The following NPAS3 variants were observed in gnomAD, a reference collection of about 807,000 sequenced individuals.
The protein encoded by NPAS3 is neuronal PAS domain protein 3, also known as neuronal PAS domain-containing protein 3.
NPAS3 carries 14 observed loss-of-function variants against 73.1 expected under a neutral mutation model. The ratio of observed to expected loss-of-function variants is 0.19; its 90% CI spans 0.13 to 0.30. NPAS3 has a LOEUF of 0.30. NPAS3 is among the 10% of genes least tolerant of loss of function. The pLI, the probability that NPAS3 is intolerant of heterozygous loss-of-function variation, is 1.00. For synonymous variants in NPAS3, 620 were observed against 541.5 expected (o/e 1.14, Z -2.01); for missense variants, 1,096 against 1,250.0 (o/e 0.88, Z 1.86).
chr14:33,490,966 TGCAGCA>T (rs56325961), intron 4 of NPAS3, among the ~76,000 whole-genome samples: 25 of 152,204 alleles, frequency 1.6e-4, no homozygotes, highest in Non-Finnish European at 3.1e-4. Flanking sequence ...AATTTTTCAC[TGCAGCA>T]GCAGCAGCAG....
intron 2 of NPAS3, among the ~76,000 whole-genome samples, chr14:33,091,758 A>G (rs1595428263): frequency 1.3e-5 from 2 of 152,304 alleles, no homozygotes; most frequent in East Asian, 1.9e-4. Flanking sequence ...CAGCACATCA[A>G]AAAGCTTATC....
chr14:33,413,470 G>A (rs1305963353), intron 4 of NPAS3, among the ~76,000 whole-genome samples: 1 of 152,064 alleles, frequency 6.6e-6, no homozygotes, highest in Non-Finnish European at 1.5e-5. Context: ...TTTGGAGATA[G>A]ATATTGATTT....
intron 5 of NPAS3, among the ~76,000 whole-genome samples, chr14:33,584,751 C>T (rs550256681): frequency 1.3e-5 from 2 of 152,254 alleles, no homozygotes; most frequent in African/African-American, 4.8e-5. Context: ...TTTTTAGTAC[C>T]TCCCATGTCA....
chr14:32,990,940 CAAA>C (rs202034165), intron 1 of NPAS3, among the ~76,000 whole-genome samples: 1 of 147,534 alleles, frequency 6.8e-6, no homozygotes, highest in Admixed American at 6.7e-5. Context: ...AAAACAAAAA[CAAA>C]AAAAAACAAG....
At chr14:33,338,598 T>C (rs1184762644) in intron 3 of NPAS3, among the ~76,000 whole-genome samples, 2 of 152,314 alleles carry the variant, frequency 1.3e-5, no homozygotes, top group East Asian at 1.9e-4. Context: ...TTGGCACATC[T>C]CTTGACTGCT....
intron 1 of NPAS3, among the ~76,000 whole-genome samples, chr14:33,023,425 A>G (rs1367487248): frequency 6.6e-6 from 1 of 151,998 alleles, no homozygotes; most frequent in African/African-American, 2.4e-5. Flanking sequence ...TATGTATCTT[A>G]TTTCCTAATT....
chr14:33,031,005 G>A (rs572745218), intron 1 of NPAS3, among the ~76,000 whole-genome samples: 2 of 152,214 alleles, frequency 1.3e-5, no homozygotes, highest in South Asian at 4.1e-4. Flanking sequence ...TTCAATCTCC[G>A]TATGAGGCCA....
At chr14:33,703,312 C>A (rs966457802) in intron 6 of NPAS3, among the ~76,000 whole-genome samples, 4 of 151,986 alleles carry the variant, frequency 2.6e-5, no homozygotes, top group Admixed American at 2.0e-4. Context: ...CAGTGAGACC[C>A]CCCATTTCTA....
chr14:33,690,871 TAAAAA>T (rs11361786), intron 6 of NPAS3, among the ~76,000 whole-genome samples: 2 of 142,182 alleles, frequency 1.4e-5, no homozygotes, highest in Non-Finnish European at 3.1e-5. Flanking sequence ...TAAAATTTGT[TAAAAA>T]AAAAAAAAAA....
intron 5 of NPAS3, among the ~76,000 whole-genome samples, chr14:33,637,588 C>G (rs929958225): frequency 1.3e-5 from 2 of 152,088 alleles, no homozygotes; most frequent in Non-Finnish European, 2.9e-5. Context: ...TGTCAGGAAC[C>G]CTTGACATTA....
chr14:33,618,409 A>G (rs866299998), intron 5 of NPAS3, among the ~76,000 whole-genome samples: 4 of 152,286 alleles, frequency 2.6e-5, no homozygotes, highest in Middle Eastern at 6.8e-3. Context: ...ATCATCAGGC[A>G]CTAGATTCTC....
chr14:33,692,157 C>A (rs551400866), intron 6 of NPAS3, among the ~76,000 whole-genome samples: 2 of 152,238 alleles, frequency 1.3e-5, no homozygotes, highest in Admixed American at 6.5e-5. Context: ...TGAGCGCAGG[C>A]AATGCCCCAC....
At chr14:33,226,014 G>C (rs1289515940) in intron 3 of NPAS3, among the ~76,000 whole-genome samples, 1 of 152,136 alleles carries the variant, frequency 6.6e-6, no homozygotes, top group Non-Finnish European at 1.5e-5. Flanking sequence ...ACTAAATTAT[G>C]TACCAGCCAG....
intron 2 of NPAS3, among the ~76,000 whole-genome samples, chr14:33,199,010 G>A (rs2046499990): frequency 6.6e-6 from 1 of 152,156 alleles, no homozygotes; most frequent in Admixed American, 6.5e-5. Context: ...GTGGCCGGCG[G>A]TGCCGGCCTG....
intron 4 of NPAS3, among the ~76,000 whole-genome samples, chr14:33,385,099 T>C (rs2046721366): frequency 6.6e-6 from 1 of 152,202 alleles, no homozygotes; most frequent in African/African-American, 2.4e-5. Context: ...TTTTAATCTA[T>C]GATGGTTCAC....
At chr14:33,116,305 A>G (rs573068477) in intron 2 of NPAS3, among the ~76,000 whole-genome samples, 8 of 152,298 alleles carry the variant, frequency 5.3e-5, no homozygotes, top group African/African-American at 1.9e-4. Flanking sequence ...TTCATTTTAT[A>G]ACAAGAGCTA....
intron 5 of NPAS3, among the ~76,000 whole-genome samples, chr14:33,580,752 G>A (rs1027698279): frequency 6.6e-6 from 1 of 151,992 alleles, no homozygotes; most frequent in Non-Finnish European, 1.5e-5. Context: ...GAACTACCAC[G>A]CTTTGTCTCA....
intron 1 of NPAS3, among the ~76,000 whole-genome samples, chr14:33,037,953 C>T (rs1043474054): frequency 1.6e-4 from 25 of 152,290 alleles, no homozygotes; most frequent in African/African-American, 5.8e-4. Context: ...TCAGAGGCAT[C>T]GGGTCTATAG....
chr14:33,389,237 T>G (rs1195766086), intron 4 of NPAS3, among the ~76,000 whole-genome samples: 1 of 152,198 alleles, frequency 6.6e-6, no homozygotes, highest in Non-Finnish European at 1.5e-5. Context: ...TTGGAACAAT[T>G]ATGTCAGGAA....
Sources: gnomAD v4.1 joint callset for allele counts (sites outside exome capture counted in the v4.1 genomes callset) on GRCh38, gnomAD v4.1.1 for gene constraint, MANE v1.5 for transcripts, NCBI Gene and HGNC (gene_info 2026-07-23, HGNC 2026-07-21) for gene names.